The following HPSE2 variants were observed in gnomAD, a reference collection of about 807,000 sequenced individuals.
HPSE2 encodes heparanase 2 (inactive), also known as inactive heparanase-2.
A neutral mutation model predicts 60.5 loss-of-function variants in HPSE2; 38 were observed. The ratio of observed to expected loss-of-function variants is 0.63; its 90% CI spans 0.48 to 0.82. HPSE2 has a LOEUF of 0.82. Among genes scored for constraint, HPSE2 ranks in the 40% least tolerant of loss-of-function variants. The probability of loss-of-function intolerance (pLI) is 0.00; values close to 1 mark genes in which losing one functional copy is unlikely to be tolerated. For missense variants in HPSE2, 713 were observed against 740.4 expected, an observed-to-expected ratio of 0.96 and a Z score of 0.43; for synonymous variants, 295 against 293.2, an observed-to-expected ratio of 1.01 and a Z score of -0.06.
At chr10:98,584,618 C>T (rs574003580) in intron 9 of HPSE2, among the ~76,000 whole-genome samples, 1 of 152,332 alleles carries the variant, frequency 6.6e-6, no homozygotes, top group Non-Finnish European at 1.5e-5. Flanking sequence ...TAATACTAAA[C>T]CATTATATCA....
intron 3 of HPSE2, among the ~76,000 whole-genome samples, chr10:98,774,278 G>A (rs1224322884): frequency 6.6e-6 from 1 of 151,840 alleles, no homozygotes; most frequent in African/African-American, 2.4e-5. Flanking sequence ...GTTCTCCTTG[G>A]CAAGACTAAT....
intron 3 of HPSE2, among the ~76,000 whole-genome samples, chr10:98,879,825 T>G (rs1255173141): frequency 1.3e-5 from 2 of 150,066 alleles, no homozygotes; most frequent in Non-Finnish European, 3.0e-5. Flanking sequence ...TAGTTAATAC[T>G]GGGAAACAAC....
intron 3 of HPSE2, among the ~76,000 whole-genome samples, chr10:98,919,218 C>T (rs534692507): frequency 1.6e-4 from 25 of 152,158 alleles, no homozygotes; most frequent in South Asian, 2.1e-4. Context: ...CACAAAGAAA[C>T]GAGTATACAC....
chr10:99,179,762 T>C (rs2862526), intron 2 of HPSE2, among the ~76,000 whole-genome samples: 2 of 44,984 alleles, frequency 4.4e-5, no homozygotes, highest in Admixed American at 2.9e-4. Flanking sequence ...AAAAAAAAAC[T>C]TTAAACTTCA....
chr10:98,748,425 T>C (rs189264693), intron 3 of HPSE2, among the ~76,000 whole-genome samples: 1 of 152,294 alleles, frequency 6.6e-6, no homozygotes, highest in Non-Finnish European at 1.5e-5. Context: ...CTTAGAAAAT[T>C]TGCTCAGGTT....
intron 3 of HPSE2, among the ~76,000 whole-genome samples, chr10:99,086,767 T>C (rs552177975): frequency 6.6e-6 from 1 of 152,306 alleles, no homozygotes; most frequent in East Asian, 1.9e-4. Context: ...AGTAAATGTG[T>C]TTTCCCATTT....
chr10:98,531,206 G>A (rs935482714), intron 9 of HPSE2, among the ~76,000 whole-genome samples: 5 of 152,140 alleles, frequency 3.3e-5, no homozygotes, highest in Non-Finnish European at 7.4e-5. Flanking sequence ...GGAGCACAGA[G>A]GTAGGAACAA....
the HPSE2 span, among the ~76,000 whole-genome samples, chr10:99,309,286 T>C: frequency 3.9e-5 from 6 of 152,224 alleles, no homozygotes; most frequent in African/African-American, 1.2e-4. Context: ...TCTGCAAATA[T>C]ACTAATAACC....
upstream of HPSE2, chr10:99,235,927 A>G (rs1372380942): frequency 1.6e-6 from 1 of 630,844 alleles, no homozygotes. Flanking sequence ...CCACCCCCCC[A>G]ACACACACAC....
At chr10:98,529,154 C>A (rs1042641612) in intron 9 of HPSE2, among the ~76,000 whole-genome samples, 2 of 152,242 alleles carry the variant, frequency 1.3e-5, no homozygotes, top group African/African-American at 4.8e-5. Flanking sequence ...ATGAATTATG[C>A]AAGTAAATTT....
At chr10:99,111,719 G>T (rs1230894052) in intron 3 of HPSE2, among the ~76,000 whole-genome samples, 1 of 152,284 alleles carries the variant, frequency 6.6e-6, no homozygotes. Flanking sequence ...GTGCTGCTAT[G>T]CCTATGCCTT....
At chr10:99,000,831 T>A (rs181820949) in intron 3 of HPSE2, among the ~76,000 whole-genome samples, 4 of 152,242 alleles carry the variant, frequency 2.6e-5, no homozygotes, top group Admixed American at 2.0e-4. Flanking sequence ...TTTTAATTTT[T>A]ATTTTTATAG....
intron 3 of HPSE2, among the ~76,000 whole-genome samples, chr10:99,082,189 G>A (rs1040751187): frequency 3.9e-5 from 6 of 152,070 alleles, no homozygotes; most frequent in African/African-American, 7.2e-5. Context: ...TGGTCACCGC[G>A]TCAATGAGAA....
chr10:98,986,350 A>G (rs375884185), intron 3 of HPSE2, among the ~76,000 whole-genome samples: 21 of 151,684 alleles, frequency 1.4e-4, no homozygotes, highest in African/African-American at 2.7e-4. Flanking sequence ...ACTCAAAACC[A>G]CTCAACTACA....
At chr10:98,542,423 C>A (rs1262856165) in intron 9 of HPSE2, among the ~76,000 whole-genome samples, 4 of 150,732 alleles carry the variant, frequency 2.7e-5, no homozygotes, top group Admixed American at 6.6e-5. Flanking sequence ...CAGAGCGCCT[C>A]TCCTCCTCCA....
chr10:99,020,380 T>A (rs1449253464), intron 3 of HPSE2, among the ~76,000 whole-genome samples: 1 of 152,318 alleles, frequency 6.6e-6, no homozygotes, highest in East Asian at 1.9e-4. Flanking sequence ...AAAGGTGAAG[T>A]GACTTTCTAA....
chr10:98,683,615 A>G (rs1375363355), intron 6 of HPSE2, among the ~76,000 whole-genome samples: 2 of 151,970 alleles, frequency 1.3e-5, no homozygotes, highest in Non-Finnish European at 2.9e-5. Flanking sequence ...GAAAATTTAG[A>G]TGATTAAGGA....
intron 3 of HPSE2, among the ~76,000 whole-genome samples, chr10:99,083,773 G>T (rs575742541): frequency 6.6e-6 from 1 of 152,136 alleles, no homozygotes; most frequent in East Asian, 1.9e-4. Flanking sequence ...GGACTCTTGA[G>T]TTTCTTTTCC....
At chr10:99,087,246 T>A (rs1843353444) in intron 3 of HPSE2, among the ~76,000 whole-genome samples, 1 of 152,222 alleles carries the variant, frequency 6.6e-6, no homozygotes, top group African/African-American at 2.4e-5. Flanking sequence ...ATATTTTGCA[T>A]CCCTGGGTCA....
Sources: gnomAD v4.1 joint callset for allele counts (sites outside exome capture counted in the v4.1 genomes callset) on GRCh38, gnomAD v4.1.1 for gene constraint, MANE v1.5 for transcripts, NCBI Gene and HGNC (gene_info 2026-07-23, HGNC 2026-07-21) for gene names.